Variants in NAF1 observed in about 807,000 individuals in gnomAD.
NAF1 encodes the protein H/ACA ribonucleoprotein complex non-core subunit NAF1.
NAF1 carries 11 observed loss-of-function variants against 40.6 expected under a neutral mutation model. The observed-to-expected ratio is 0.27, with a 90% CI of 0.17 to 0.45. The LOEUF (loss-of-function observed/expected upper bound fraction) is 0.45. NAF1 is among the 20% of genes least tolerant of loss of function. The pLI is 1.00. For missense variants in NAF1, 607 were observed against 611.1 expected (o/e 0.99, Z 0.07); for synonymous variants, 260 against 228.5 (o/e 1.14, Z -1.24).
At chr4:163,128,479 A>C (rs1396944872), downstream of NAF1, among the ~76,000 whole-genome samples, 1 of 152,106 alleles carries the variant, frequency 6.6e-6, no homozygotes, top group Admixed American at 6.5e-5. Flanking sequence ...ATTGATTTCC[A>C]AAGTATAAAT....
rs760915680 is a variant in NAF1 at position 163,164,300 on chromosome 4, G to A, written c.457C>T (p.Leu153=). 1 of 1,599,912 alleles carries A rather than the reference G, an allele frequency of 6.3e-7. No individual in the cohort carries two copies. The highest frequency in any genetic ancestry group is 2.3e-5 in the East Asian group (1 of 44,346). ...TGTAAATCATCATCTCCATCTGACA[G>A]CACTGGAGGAAGTGATATACAAGAG... is the stretch of plus-strand genomic sequence containing the variant. ...SSSCISLPPV[L]SDGDDDLQIE... Residue 153 remains leucine, a synonymous_variant, in exon 2 of 8, where the codon CTG becomes TTG. Coordinates refer to ENST00000274054, the MANE Select transcript of NAF1 (RefSeq NM_138386.3).
At chr4:163,135,163 C>T (rs923808743) in intron 6 of NAF1, 3 of 152,222 alleles carry the variant, frequency 2.0e-5, no homozygotes, top group Middle Eastern at 3.4e-3. Flanking sequence ...CATAATTTCT[C>T]TTATTTTCCT....
intron 2 of NAF1, among the ~76,000 whole-genome samples, chr4:163,154,133 C>G (rs192988758): frequency 0.011 from 1,746 of 152,178 alleles, 124 homozygotes; most frequent in Admixed American, 0.11. Flanking sequence ...GACGCACCAC[C>G]TTAAGAGCTG....
chr4:163,136,523 C>A (rs964638235), intron 6 of NAF1, among the ~76,000 whole-genome samples: 16 of 150,584 alleles, frequency 1.1e-4, no homozygotes, highest in Admixed American at 3.3e-4. Context: ...AAAAAAAAAA[C>A]CCCTCAAGAT....
intron 4 of NAF1, chr4:163,141,988 A>T (rs1230106007): frequency 1.2e-6 from 1 of 830,188 alleles, no homozygotes; most frequent in Non-Finnish European, 1.5e-6. Flanking sequence ...TAGTGACATT[A>T]AAAACTATTA....
intron 2 of NAF1, among the ~76,000 whole-genome samples, chr4:163,156,518 T>C: frequency 6.6e-6 from 1 of 152,034 alleles, no homozygotes; most frequent in East Asian, 1.9e-4. Flanking sequence ...AAATAAAATT[T>C]AAAATTTGGT....
chr4:163,111,604 G>A (rs1430675928), intron 2 of NAF1, among the ~76,000 whole-genome samples: 2 of 152,094 alleles, frequency 1.3e-5, no homozygotes, highest in African/African-American at 4.8e-5. Context: ...GTGCATTTCT[G>A]AGTCCAAGTG....
At chr4:163,127,102 A>G, downstream of NAF1, 2 of 1,551,354 alleles carry the variant, frequency 1.3e-6, no homozygotes, top group Non-Finnish European at 1.7e-6. Flanking sequence ...AATATCTGTG[A>G]GATATACCTG....
intron 2 of NAF1, among the ~76,000 whole-genome samples, chr4:163,120,432 G>A (rs1190323205): frequency 6.6e-6 from 1 of 152,012 alleles, no homozygotes; most frequent in Non-Finnish European, 1.5e-5. Flanking sequence ...ACAATGTTTG[G>A]CCCATCTATC....
At chr4:163,147,223 A>C (rs1045525986) in intron 3 of NAF1, among the ~76,000 whole-genome samples, 4 of 152,188 alleles carry the variant, frequency 2.6e-5, no homozygotes, top group Non-Finnish European at 5.9e-5. Flanking sequence ...GTTAATTTTT[A>C]AAAATATCAA....
At chr4:163,127,084 G>A (rs371675674), downstream of NAF1, 3 of 1,551,528 alleles carry the variant, frequency 1.9e-6, no homozygotes, top group South Asian at 2.4e-5. Context: ...GTCTGGATCC[G>A]AGGCCACAAT....
intron 2 of NAF1, among the ~76,000 whole-genome samples, chr4:163,117,698 C>CACAT (rs1730388086): frequency 1.3e-5 from 2 of 151,046 alleles, no homozygotes; most frequent in South Asian, 4.2e-4. Flanking sequence ...CACACACACA[C>CACAT]ACACACACAC....
At chr4:163,161,089 CACTA>C (rs1732199619) in intron 2 of NAF1, among the ~76,000 whole-genome samples, 1 of 148,190 alleles carries the variant, frequency 6.7e-6, no homozygotes, top group Non-Finnish European at 1.5e-5. Context: ...GGAAATACAA[CACTA>C]ATTAGCCAGT....
intron 2 of NAF1, chr4:163,110,404 T>A: frequency 1.6e-6 from 1 of 622,804 alleles, no homozygotes; most frequent in Non-Finnish European, 2.9e-6. Context: ...TTGTTGTTAA[T>A]CTCTTACTGT....
intron 3 of NAF1, among the ~76,000 whole-genome samples, chr4:163,147,216 A>C (rs1346322255): frequency 6.6e-6 from 1 of 152,204 alleles, no homozygotes; most frequent in Admixed American, 6.5e-5. Flanking sequence ...TGTAAGTGTT[A>C]ATTTTTAAAA....
intron 2 of NAF1, among the ~76,000 whole-genome samples, chr4:163,112,091 G>T (rs1203638419): frequency 2.0e-5 from 3 of 151,862 alleles, no homozygotes; most frequent in Non-Finnish European, 2.9e-5. Flanking sequence ...AAAGAAAGCA[G>T]AACAGCTCAG....
At chr4:163,108,370 C>A (rs1316137392), downstream of NAF1, among the ~76,000 whole-genome samples, 1 of 152,158 alleles carries the variant, frequency 6.6e-6, no homozygotes, top group African/African-American at 2.4e-5. Context: ...AATTCAAGCC[C>A]ATTAGCCAAT....
chr4:163,106,308 G>A (rs901699548), downstream of NAF1, among the ~76,000 whole-genome samples: 1 of 152,106 alleles, frequency 6.6e-6, no homozygotes, highest in Non-Finnish European at 1.5e-5. Flanking sequence ...TCTAAGTGTT[G>A]CACTGACCAA....
At position 163,148,388 on chromosome 4, in the gene NAF1, A is replaced by T. The variant is rs752135276; in HGVS notation, c.587T>A (p.Ile196Asn). 3 of 1,582,882 alleles carry T rather than the reference A, an allele frequency of 1.9e-6. No individual in the cohort carries two copies. The African/African-American group carries it at 4.1e-5, about 22-fold the overall frequency. ...EELTIILPED[I>N]ELKPLGMVSS... The stretch of plus-strand genomic sequence containing the variant: ...AACCATCCCAAGAGGCTTTAACTCA[A>T]TATCTTCAGGCAGAATAATAGTGAG... The change falls in exon 3 of 8, where the codon ATT becomes AAT. Residue 196 changes from isoleucine to asparagine, a missense_variant. Ile to Asn is a moderately radical substitution (Grantham distance 149). This residue lies in a region of NAF1 where 407 missense variants were observed against 365.5 expected (regional missense o/e 1.11). Coordinates refer to ENST00000274054, the MANE Select transcript of NAF1 (RefSeq NM_138386.3).
Sources: allele counts gnomAD v4.1 joint callset (sites outside exome capture counted in the v4.1 genomes callset), GRCh38; gene constraint gnomAD v4.1.1; regional missense constraint gnomAD v4.1.1; transcripts MANE v1.5; gene names NCBI Gene and HGNC (gene_info 2026-07-23, HGNC 2026-07-21).